SGCZ: variants seen among roughly 807,000 people sequenced by gnomAD.
SGCZ encodes the protein sarcoglycan zeta.
A neutral mutation model predicts 41.3 loss-of-function variants in SGCZ; 40 were observed. That is an observed-to-expected ratio of 0.97 (90% CI 0.75 to 1.26). The LOEUF (loss-of-function observed/expected upper bound fraction) is 1.26. Ranked by LOEUF, SGCZ falls within the 50% of genes most tolerant of loss-of-function variation. SGCZ has a pLI of 0.00. For synonymous variants in SGCZ, 206 were observed against 137.5 expected (o/e 1.50, Z -3.49); for missense variants, 552 against 369.8 (o/e 1.49, Z -4.04).
intron 2 of SGCZ, among the ~76,000 whole-genome samples, chr8:14,362,475 G>A (rs889663075): frequency 6.6e-6 from 1 of 152,064 alleles, no homozygotes; most frequent in African/African-American, 2.4e-5. Context: ...AGCCAGCAAG[G>A]CTCCATGGGC....
intron 1 of SGCZ, among the ~76,000 whole-genome samples, chr8:14,778,548 A>G (rs1330404788): frequency 1.3e-5 from 2 of 152,322 alleles, no homozygotes; most frequent in East Asian, 3.9e-4. Context: ...AAGACAGTGT[A>G]TAGTCTAGAA....
Position 14,926,644 on chromosome 8 carries a change from GT to G in SGCZ, c.39+310940del, listed in dbSNP as rs200341502. Among the ~76,000 whole-genome samples, 6 of 150,682 alleles carry G rather than the reference GT, an allele frequency of 4.0e-5. No homozygotes were observed. In the South Asian group the frequency reaches 6.3e-4, roughly 16 times the overall value. On this transcript the variant is annotated intron_variant, in intron 1 of 7. Coordinates refer to ENST00000382080, the MANE Select transcript of SGCZ (RefSeq NM_139167.4). ...TTTGTTTTGTTTTTCCGTGTGTGTG[GT>G]TTTTTTTTGTTTTTTTGAGACAGTC... is the stretch of plus-strand genomic sequence containing the variant.
At position 14,860,337 on chromosome 8, in the gene SGCZ, A is replaced by C. The variant is rs139957790; in HGVS notation, c.40-305411T>G. Among the ~76,000 whole-genome samples, 963 of 152,060 alleles carry C rather than the reference A, an allele frequency of 6.3e-3. 12 individuals carry two copies. Among genetic ancestry groups the C allele is most frequent in the African/African-American group, 0.022 (929 of 41,502 alleles). On this transcript the variant is annotated intron_variant, in intron 1 of 7. Transcript: ENST00000382080. The stretch of plus-strand genomic sequence containing the variant: ...CTACATTTTACCTTTCTGATGCATC[A>C]CCACCATCTAGTGTCTGGAGGTGGT...
intron 1 of SGCZ, among the ~76,000 whole-genome samples, chr8:15,167,416 G>C (rs1384218994): frequency 6.6e-6 from 1 of 150,892 alleles, no homozygotes; most frequent in Non-Finnish European, 1.5e-5. Context: ...CTTTCTAACA[G>C]GTCTAGGAGC....
At chr8:15,185,570 G>T (rs181809126) in intron 1 of SGCZ, among the ~76,000 whole-genome samples, 162 of 152,238 alleles carry the variant, frequency 1.1e-3, no homozygotes, top group African/African-American at 3.6e-3. Context: ...AGTCATGCAT[G>T]ACTTCTTCAA....
At chr8:14,820,505 T>C (rs1257852890) in intron 1 of SGCZ, among the ~76,000 whole-genome samples, 1 of 152,046 alleles carries the variant, frequency 6.6e-6, no homozygotes, top group Non-Finnish European at 1.5e-5. Context: ...TTAATGAACA[T>C]TTGTACAGCT....
intron 1 of SGCZ, among the ~76,000 whole-genome samples, chr8:14,610,887 T>C (rs562554238): frequency 6.6e-6 from 1 of 152,178 alleles, no homozygotes; most frequent in Non-Finnish European, 1.5e-5. Flanking sequence ...ATTCAGATAA[T>C]ATTTATGGAA....
chr8:14,926,556 G>C (rs1446784721), intron 1 of SGCZ, among the ~76,000 whole-genome samples: 1 of 151,854 alleles, frequency 6.6e-6, no homozygotes, highest in African/African-American at 2.4e-5. Flanking sequence ...TGATTTCTTG[G>C]GGTTATATAT....
At chr8:15,149,711 CA>C (rs750167614) in intron 1 of SGCZ, among the ~76,000 whole-genome samples, 2,168 of 57,156 alleles carry the variant, frequency 0.038, 23 homozygotes, top group East Asian at 0.089. Context: ...CTATAAACTA[CA>C]AAAAAAAAAA....
intron 1 of SGCZ, among the ~76,000 whole-genome samples, chr8:15,079,917 T>C (rs1001582230): frequency 6.6e-6 from 1 of 152,158 alleles, no homozygotes; most frequent in Admixed American, 6.5e-5. Flanking sequence ...CAGTGTCCAC[T>C]GTTTCCATTT....
intron 1 of SGCZ, among the ~76,000 whole-genome samples, chr8:14,765,930 A>C (rs1310129993): frequency 1.3e-5 from 2 of 151,264 alleles, no homozygotes; most frequent in Non-Finnish European, 2.9e-5. Context: ...TACCACATTT[A>C]CCAGTTATTT....
intron 2 of SGCZ, among the ~76,000 whole-genome samples, chr8:14,451,492 C>G (rs1342092555): frequency 6.6e-6 from 1 of 152,024 alleles, no homozygotes; most frequent in Non-Finnish European, 1.5e-5. Flanking sequence ...AAATGTGGAA[C>G]CGAATAATGA....
At chr8:14,802,249 C>A (rs776327811) in intron 1 of SGCZ, among the ~76,000 whole-genome samples, 6 of 152,162 alleles carry the variant, frequency 3.9e-5, no homozygotes, top group Admixed American at 1.3e-4. Context: ...AAAATTTAAA[C>A]CCTTAATGTG....
At chr8:14,246,481 G>A (rs1311585969) in intron 3 of SGCZ, among the ~76,000 whole-genome samples, 3 of 151,514 alleles carry the variant, frequency 2.0e-5, no homozygotes, top group Admixed American at 1.3e-4. Flanking sequence ...AGCATTAGGA[G>A]ATATACCTAA....
chr8:14,392,779 G>C (rs906281490), intron 2 of SGCZ, among the ~76,000 whole-genome samples: 4 of 151,872 alleles, frequency 2.6e-5, no homozygotes, highest in Non-Finnish European at 5.9e-5. Flanking sequence ...TTTTTCTTTG[G>C]CTAATACATG....
intron 1 of SGCZ, among the ~76,000 whole-genome samples, chr8:14,900,337 G>A (rs1212481340): frequency 6.6e-6 from 1 of 152,088 alleles, no homozygotes; most frequent in South Asian, 2.1e-4. Flanking sequence ...AACCCCCAAC[G>A]GCTCTAGATT....
chr8:14,933,228 C>T (rs1014203018), intron 1 of SGCZ, among the ~76,000 whole-genome samples: 2 of 151,804 alleles, frequency 1.3e-5, no homozygotes, highest in African/African-American at 2.4e-5. Context: ...ACCTCCTAAA[C>T]CTAAAATAAG....
Position 14,554,768 on chromosome 8 carries a change from C to A in SGCZ, c.198G>T (p.Met66Ile). The change falls in exon 2 of 8, where the codon ATG becomes ATT. Residue 66 changes from methionine (M) to isoleucine (I), a missense_variant. Transcript: ENST00000382080. ...TCATAACTTTCAATATCCATATTGT[C>A]ATGGCTAAGTTAACTATCATGGTAA... ...LLVTMIVNLAMTIWILKVMNF... is the reference protein window; with the variant it reads ...LLVTMIVNLAITIWILKVMNF... The A allele has an allele frequency of 1.2e-6, 2 of 1,612,822 alleles. No homozygotes were observed. The highest frequency in any genetic ancestry group is 1.1e-5 in the South Asian group (1 of 91,022).
intron 1 of SGCZ, among the ~76,000 whole-genome samples, chr8:14,564,674 T>A (rs540267658): frequency 2.0e-5 from 3 of 152,304 alleles, no homozygotes; most frequent in African/African-American, 7.2e-5. Context: ...GAATTAACTT[T>A]TAAAGACATG....
Sources: allele counts gnomAD v4.1 joint callset (sites outside exome capture counted in the v4.1 genomes callset), GRCh38; gene constraint gnomAD v4.1.1; transcripts MANE v1.5; gene names NCBI Gene and HGNC (gene_info 2026-07-23, HGNC 2026-07-21).